The following BSCL2 variants were observed in gnomAD, a reference collection of about 807,000 sequenced individuals.
The protein encoded by BSCL2 is seipin.
A neutral mutation model predicts 57.4 loss-of-function variants in BSCL2; 41 were observed. The observed-to-expected ratio is 0.71, with a 90% CI of 0.56 to 0.93. BSCL2 has a LOEUF of 0.93. Among genes scored for constraint, BSCL2 ranks in the 40% least tolerant of loss-of-function variants. BSCL2 has a pLI of 0.00. For synonymous variants in BSCL2, 237 were observed against 227.3 expected, an observed-to-expected ratio of 1.04 and a Z score of -0.38; for missense variants, 539 against 586.7, an observed-to-expected ratio of 0.92 and a Z score of 0.84.
chr11:62,709,326 G>A (rs1590889774), upstream of BSCL2: 2 of 454,056 alleles, frequency 4.4e-6, no homozygotes, highest in Non-Finnish European at 8.8e-6. Flanking sequence ...CAGAGGGGTC[G>A]GGGGATGGCG....
chr11:62,690,770 T>C lies in BSCL2; in HGVS notation c.1153+17A>G. ...CCAAGGAGTCAGGAAGGAGAGAGTG[T>C]GGTGGCTGCGCCATACCTGTCCCTG... On this transcript the variant is annotated intron_variant, in intron 9 of 10. Coordinates refer to ENST00000360796, the MANE Select transcript of BSCL2 (RefSeq NM_001122955.4). 1 of 1,613,734 alleles carries C rather than the reference T, an allele frequency of 6.2e-7. No individual in the cohort carries two copies. The highest frequency in any genetic ancestry group is 8.5e-7 in the Non-Finnish European group (1 of 1,180,002).
In BSCL2 at chr11:62,705,329, G is replaced by A. The variant is rs773037659; in HGVS notation, c.376C>T (p.His126Tyr). ...TAGTAGAAATGCACAGGGCTGAGGT[G>A]GCTGACTGTCGGCATATAGGAATAG... ...FYYSYMPTVS[H>Y]LSPVHFYYRT... The change falls in exon 2 of 11, where the codon CAC (histidine) becomes TAC (tyrosine). Residue 126 changes from histidine to tyrosine, a missense_variant. This residue lies in a region of BSCL2 where 218 missense variants were observed against 224.8 expected (regional missense o/e 0.97). Coordinates refer to ENST00000360796, the MANE Select transcript of BSCL2 (RefSeq NM_001122955.4). The A allele has an allele frequency of 3.7e-6, 6 of 1,613,398 alleles. No homozygotes were observed. Among genetic ancestry groups the A allele is most frequent in the East Asian group, 2.2e-5 (1 of 44,882 alleles).
chr11:62,706,526 G>A (rs2083541569), intron 1 of BSCL2: 1 of 445,294 alleles, frequency 2.2e-6, no homozygotes, highest in Middle Eastern at 7.3e-4. Flanking sequence ...CTCCCTGCAG[G>A]CCCCAAGATG....
chr11:62,697,665 G>C (rs1250659172), intron 3 of BSCL2: 2 of 151,342 alleles, frequency 1.3e-5, no homozygotes, highest in Non-Finnish European at 2.9e-5. Flanking sequence ...ATGGTGGCAT[G>C]CGCCTGTAAT....
chr11:62,695,711 CAAAA>C (rs398016310), intron 3 of BSCL2, among the ~76,000 whole-genome samples: 4 of 66,412 alleles, frequency 6.0e-5, no homozygotes, highest in Non-Finnish European at 8.7e-5. Context: ...AACTCTGTCT[CAAAA>C]AAAAAAAAAA....
At chr11:62,700,374 C>T (rs1329852414) in intron 3 of BSCL2, among the ~76,000 whole-genome samples, 1 of 152,232 alleles carries the variant, frequency 6.6e-6, no homozygotes, top group African/African-American at 2.4e-5. Context: ...GACATGGTGG[C>T]TCATGTCTGT....
At chr11:62,708,419 C>G (rs753275346), upstream of BSCL2, 7 of 1,510,256 alleles carry the variant, frequency 4.6e-6, no homozygotes, top group Admixed American at 1.2e-4. Context: ...GGCTGGCTCC[C>G]ATTAGTTGGC....
At chr11:62,709,417 A>C (rs1229949574), upstream of BSCL2, 1 of 453,844 alleles carries the variant, frequency 2.2e-6, no homozygotes, top group African/African-American at 2.0e-5. Flanking sequence ...CACACACACA[A>C]ACGTGCAACG....
At chr11:62,708,062 G>T, upstream of BSCL2, 1 of 570,304 alleles carries the variant, frequency 1.8e-6, no homozygotes. Context: ...TTTGTGTAAG[G>T]TTTAATGATC....
chr11:62,700,271 C>A (rs1387792630), intron 3 of BSCL2, among the ~76,000 whole-genome samples: 2 of 151,696 alleles, frequency 1.3e-5, no homozygotes, highest in African/African-American at 4.8e-5. Flanking sequence ...ACCCCAGACT[C>A]TATAGGTTAT....
intron 1 of BSCL2, chr11:62,706,085 C>T: frequency 2.4e-6 from 1 of 422,338 alleles, no homozygotes; most frequent in Non-Finnish European, 3.3e-6. Context: ...CCGCCTCGAG[C>T]AGAGCTCGCT....
intron 4 of BSCL2, among the ~76,000 whole-genome samples, chr11:62,693,984 T>C (rs1422997100): frequency 2.0e-5 from 3 of 151,796 alleles, no homozygotes; most frequent in African/African-American, 7.3e-5. Flanking sequence ...CCAGCTAATT[T>C]TGTATTTTTA....
At chr11:62,701,685 AGCTG>A (rs1945643426) in intron 3 of BSCL2, among the ~76,000 whole-genome samples, 1 of 152,044 alleles carries the variant, frequency 6.6e-6, no homozygotes, top group African/African-American at 2.4e-5. Context: ...CAAAAAAATT[AGCTG>A]GGTGTGGTGG....
At chr11:62,695,556 C>G (rs1461056087) in intron 3 of BSCL2, among the ~76,000 whole-genome samples, 1 of 149,598 alleles carries the variant, frequency 6.7e-6, no homozygotes. Context: ...ATTAAAAATA[C>G]AAAAATTAGA....
At chr11:62,709,016 G>T (rs1213760276), upstream of BSCL2, 1 of 561,046 alleles carries the variant, frequency 1.8e-6, no homozygotes, top group Non-Finnish European at 3.2e-6. Flanking sequence ...GCACCCCAGA[G>T]ATATGAGGCA....
intron 1 of BSCL2, chr11:62,706,591 A>C (rs1391123310): frequency 1.1e-5 from 5 of 468,754 alleles, no homozygotes; most frequent in Non-Finnish European, 2.2e-5. Context: ...TTGAGACTGC[A>C]ATCACAGCCC....
At chr11:62,709,336 G>A, upstream of BSCL2, 1 of 454,080 alleles carries the variant, frequency 2.2e-6, no homozygotes, top group Non-Finnish European at 4.4e-6. Context: ...GGGGGATGGC[G>A]GGCGCGAGAG....
intron 6 of BSCL2, among the ~76,000 whole-genome samples, chr11:62,691,930 T>A (rs190158815): frequency 6.6e-4 from 101 of 151,900 alleles, no homozygotes; most frequent in African/African-American, 2.2e-3. Flanking sequence ...CAGGCGCCTG[T>A]AGTCCCAGCT....
intron 1 of BSCL2, chr11:62,706,332 G>A (rs1357138888): frequency 8.9e-7 from 1 of 1,119,756 alleles, no homozygotes; most frequent in Non-Finnish European, 1.1e-6. Context: ...CCTCTCCGCC[G>A]GCCGCTTTTG....
Sources: allele counts gnomAD v4.1 joint callset (sites outside exome capture counted in the v4.1 genomes callset), GRCh38; gene constraint gnomAD v4.1.1; regional missense constraint gnomAD v4.1.1; transcripts MANE v1.5; gene names NCBI Gene and HGNC (gene_info 2026-07-23, HGNC 2026-07-21).